ABCC1: variants seen among roughly 807,000 people sequenced by gnomAD.
ABCC1 encodes the protein ATP binding cassette subfamily C member 1 (ABCC1 blood group).
ABCC1 carries 83 observed loss-of-function variants against 172.9 expected under a neutral mutation model. The observed-to-expected ratio is 0.48, with a 90% CI of 0.40 to 0.58. ABCC1 has a LOEUF of 0.58. Ranked by LOEUF, ABCC1 falls within the 20% of genes least tolerant of loss-of-function variation. The pLI, the probability that ABCC1 is intolerant of heterozygous loss-of-function variation, is 0.00. For synonymous variants in ABCC1, 937 were observed against 825.2 expected (o/e 1.14, Z -2.32); for missense variants, 1,817 against 2,002.7 (o/e 0.91, Z 1.77).
intron 1 of ABCC1, among the ~76,000 whole-genome samples, chr16:15,990,245 C>T (rs1020881927): frequency 6.6e-6 from 1 of 152,084 alleles, no homozygotes; most frequent in Non-Finnish European, 1.5e-5. Flanking sequence ...CAGGGTTTCA[C>T]CATAGTGGCC....
chr16:16,097,141 CT>C (rs2051515888), intron 19 of ABCC1, among the ~76,000 whole-genome samples: 1 of 152,058 alleles, frequency 6.6e-6, no homozygotes. Context: ...TTTTGGGAGT[CT>C]CACGCTGTTG....
upstream of ABCC1, among the ~76,000 whole-genome samples, chr16:15,949,263 AG>A (rs2151460454): frequency 8.5e-6 from 1 of 117,798 alleles, no homozygotes; most frequent in African/African-American, 2.7e-5. Flanking sequence ...CCAGGCAGGT[AG>A]GGGGCTCCGT....
At chr16:16,025,522 G>T (rs1295213631) in intron 5 of ABCC1, among the ~76,000 whole-genome samples, 1 of 152,238 alleles carries the variant, frequency 6.6e-6, no homozygotes, top group East Asian at 1.9e-4. Flanking sequence ...GCCTCCTGCT[G>T]GGTGCAGGGG....
At chr16:16,096,580 G>A (rs946599812) in intron 19 of ABCC1, among the ~76,000 whole-genome samples, 2 of 152,166 alleles carry the variant, frequency 1.3e-5, no homozygotes, top group African/African-American at 2.4e-5. Flanking sequence ...CTCTGCCGAG[G>A]CTGGGGGAGG....
At chr16:16,139,611 CAAAAAA>C (rs386384360) in intron 30 of ABCC1, among the ~76,000 whole-genome samples, 6 of 57,348 alleles carry the variant, frequency 1.0e-4, no homozygotes, top group African/African-American at 4.0e-4. Context: ...GACTCCATCT[CAAAAAA>C]AAAAAAAAAA....
intron 1 of ABCC1, among the ~76,000 whole-genome samples, chr16:15,983,123 G>C (rs9923248): frequency 0.019 from 2,923 of 152,198 alleles, 97 homozygotes; most frequent in African/African-American, 0.065. Context: ...GGGGGATCAG[G>C]GTGTTTGAGA....
chr16:15,981,172 G>C (rs762886645), intron 1 of ABCC1, among the ~76,000 whole-genome samples: 3 of 152,234 alleles, frequency 2.0e-5, no homozygotes, highest in Non-Finnish European at 4.4e-5. Context: ...GGGCTTTCAC[G>C]GGTTTGTGTT....
At chr16:16,104,867 C>T (rs1019851384) in intron 20 of ABCC1, among the ~76,000 whole-genome samples, 1 of 152,168 alleles carries the variant, frequency 6.6e-6, no homozygotes, top group African/African-American at 2.4e-5. Flanking sequence ...AGCTGCTGGC[C>T]CAGGTGCTAA....
intron 10 of ABCC1, among the ~76,000 whole-genome samples, chr16:16,049,235 C>T (rs1408016092): frequency 1.3e-5 from 2 of 152,160 alleles, no homozygotes; most frequent in African/African-American, 4.8e-5. Flanking sequence ...GACAAGGCAG[C>T]ATTTCTCTGC....
intron 1 of ABCC1, among the ~76,000 whole-genome samples, chr16:15,955,370 C>T (rs1221539259): frequency 6.6e-6 from 1 of 152,034 alleles, no homozygotes; most frequent in Admixed American, 6.6e-5. Flanking sequence ...AAAAAGAAAA[C>T]AGCCACCTGT....
At chr16:16,123,054 C>T (rs570995295) in intron 24 of ABCC1, among the ~76,000 whole-genome samples, 17 of 152,228 alleles carry the variant, frequency 1.1e-4, no homozygotes, top group African/African-American at 3.9e-4. Flanking sequence ...TGACAGCACC[C>T]CAGAGGTGTC....
chr16:15,993,908 C>A (rs1382678227), intron 1 of ABCC1, among the ~76,000 whole-genome samples: 2 of 152,112 alleles, frequency 1.3e-5, no homozygotes, highest in Admixed American at 6.6e-5. Context: ...ACCTCAGGCT[C>A]CATCTGTCTG....
intron 20 of ABCC1, among the ~76,000 whole-genome samples, 177 bp downstream of exon 20, chr16:16,102,894 T>C (rs2051834233): frequency 6.6e-6 from 1 of 152,160 alleles, no homozygotes; most frequent in East Asian, 1.9e-4. Flanking sequence ...AAAGAAGGAA[T>C]GTGGCACTCT....
intron 6 of ABCC1, 45 bp from the exon 7 acceptor site, chr16:16,036,427 T>C (rs1457495660): frequency 1.3e-6 from 2 of 1,579,734 alleles, no homozygotes; most frequent in Non-Finnish European, 1.7e-6. Flanking sequence ...CCCCTCCTCC[T>C]GTCATTGACT....
rs149065567 is a variant in ABCC1, at chr16:16,043,404, T to C, written c.810-1046T>C. Reference sequence around the variant, plus strand: ...ACCTCCGCCTCCTGGGTTTAAGCGATTCTCCTGCCTCAGCCTCCCAAGTAG... The same window carrying C: ...ACCTCCGCCTCCTGGGTTTAAGCGACTCTCCTGCCTCAGCCTCCCAAGTAG... On this transcript the variant is annotated intron_variant, in intron 7 of 30. Coordinates refer to ENST00000399410, the MANE Select transcript of ABCC1 (RefSeq NM_004996.4). 5.5e-3 allele frequency among the ~76,000 whole-genome samples: 829 copies of C among 151,964 alleles called. 12 individuals carry two copies. Among genetic ancestry groups the C allele is most frequent in the African/African-American group, 0.019 (791 of 41,416 alleles).
At chr16:15,954,916 C>G (rs2045954643) in intron 1 of ABCC1, among the ~76,000 whole-genome samples, 1 of 152,214 alleles carries the variant, frequency 6.6e-6, no homozygotes, top group Non-Finnish European at 1.5e-5. Context: ...ATGTCAGTCT[C>G]CAGCTTTGAC....
intron 24 of ABCC1, among the ~76,000 whole-genome samples, 164 bp from the exon 25 acceptor site, chr16:16,124,625 A>G (rs1286411833): frequency 2.0e-5 from 3 of 152,088 alleles, no homozygotes; most frequent in Non-Finnish European, 2.9e-5. Context: ...CCCTGCGCCC[A>G]TTGTGCATGT....
intron 22 of ABCC1, among the ~76,000 whole-genome samples, chr16:16,112,397 A>G (rs560940777): frequency 4.6e-5 from 7 of 151,710 alleles, no homozygotes; most frequent in Middle Eastern, 3.4e-3. Context: ...ACCCTGCTCT[A>G]TACTGTTCTG....
chr16:16,073,155 C>G (rs1304181573), intron 14 of ABCC1, among the ~76,000 whole-genome samples: 1 of 152,094 alleles, frequency 6.6e-6, no homozygotes, highest in African/African-American at 2.4e-5. Flanking sequence ...AATGTCCCAA[C>G]TTGTCCATTA....
Sources: allele counts gnomAD v4.1 joint callset (sites outside exome capture counted in the v4.1 genomes callset), GRCh38; gene constraint gnomAD v4.1.1; transcripts MANE v1.5; gene names NCBI Gene and HGNC (gene_info 2026-07-23, HGNC 2026-07-21).